Variants in RANBP2 observed in about 807,000 individuals in gnomAD.
RANBP2 encodes E3 SUMO-protein ligase RanBP2.
RANBP2 carries 57 observed loss-of-function variants against 303.6 expected under a neutral mutation model. That is an observed-to-expected ratio of 0.19 (90% CI 0.15 to 0.23). RANBP2 has a LOEUF of 0.23. RANBP2 is among the 10% of genes least tolerant of loss of function. The pLI is 1.00. For missense variants in RANBP2, 3,138 were observed against 3,780.8 expected (o/e 0.83, Z 4.46); for synonymous variants, 1,167 against 1,301.5 (o/e 0.90, Z 2.23).
the RANBP2 span, among the ~76,000 whole-genome samples, chr2:109,076,689 T>G: frequency 6.7e-6 from 1 of 149,366 alleles, no homozygotes; most frequent in African/African-American, 2.4e-5. Context: ...ACCAAGGAGG[T>G]GAAAAAGAAT....
the RANBP2 span, among the ~76,000 whole-genome samples, chr2:109,269,624 T>TA: frequency 1.3e-5 from 2 of 151,584 alleles, no homozygotes; most frequent in African/African-American, 2.4e-5. Flanking sequence ...CTACTAAAAA[T>TA]AAAAAAAATA....
the RANBP2 span, among the ~76,000 whole-genome samples, chr2:108,832,596 A>G: frequency 3.3e-5 from 5 of 152,016 alleles, no homozygotes; most frequent in East Asian, 1.9e-4. Flanking sequence ...TGTATTTCCA[A>G]CATGTTCCCA....
At chr2:109,106,450 G>A in the RANBP2 span, among the ~76,000 whole-genome samples, 1 of 152,092 alleles carries the variant, frequency 6.6e-6, no homozygotes, top group African/African-American at 2.4e-5. Context: ...GTCCTCCAAC[G>A]AGTGGCCCAC....
chr2:109,173,416 G>A, the RANBP2 span, among the ~76,000 whole-genome samples: 3 of 152,110 alleles, frequency 2.0e-5, no homozygotes, highest in African/African-American at 7.2e-5. Flanking sequence ...TCTTGGTTTG[G>A]AAGAATTCGG....
the RANBP2 span, among the ~76,000 whole-genome samples, chr2:109,105,249 G>A: frequency 6.6e-6 from 1 of 152,196 alleles, no homozygotes; most frequent in African/African-American, 2.4e-5. Context: ...GAATTTAACC[G>A]ATATATGACC....
chr2:109,482,716 TG>T, the RANBP2 span, among the ~76,000 whole-genome samples: 1 of 151,634 alleles, frequency 6.6e-6, no homozygotes, highest in Non-Finnish European at 1.5e-5. Flanking sequence ...TGTCCCTGCC[TG>T]CACCTCCGGC....
chr2:109,639,062 AT>A, the RANBP2 span, among the ~76,000 whole-genome samples: 1 of 152,220 alleles, frequency 6.6e-6, no homozygotes, highest in Non-Finnish European at 1.5e-5. Flanking sequence ...AATGCTTAGA[AT>A]GATTTTTGTC....
chr2:109,322,492 C>CCAA, the RANBP2 span, among the ~76,000 whole-genome samples: 2 of 152,176 alleles, frequency 1.3e-5, no homozygotes, highest in Admixed American at 6.5e-5. Flanking sequence ...CTTAAGGAAG[C>CCAA]TGAAATTTCT....
the RANBP2 span, chr2:108,791,764 C>G: frequency 6.3e-7 from 1 of 1,597,768 alleles, no homozygotes; most frequent in Non-Finnish European, 8.5e-7. Context: ...GTTAGTACCT[C>G]GAAAATAACC....
the RANBP2 span, chr2:109,574,919 G>A: frequency 2.2e-6 from 1 of 464,616 alleles, no homozygotes; most frequent in Non-Finnish European, 3.5e-6. Flanking sequence ...AAAAAAATGT[G>A]CAGAACATGC....
chr2:109,258,189 T>TA, the RANBP2 span, among the ~76,000 whole-genome samples: 1 of 152,182 alleles, frequency 6.6e-6, no homozygotes, highest in South Asian at 2.1e-4. Context: ...AGAGTAAACT[T>TA]ACCTTAATAA....
At chr2:109,026,204 T>A in the RANBP2 span, among the ~76,000 whole-genome samples, 3 of 151,808 alleles carry the variant, frequency 2.0e-5, no homozygotes, top group Middle Eastern at 3.2e-3. Context: ...TGCAGTGGCA[T>A]GATTGTAGGT....
the RANBP2 span, among the ~76,000 whole-genome samples, chr2:109,378,741 C>T: frequency 2.0e-5 from 3 of 152,196 alleles, no homozygotes; most frequent in Non-Finnish European, 2.9e-5. Context: ...ACCTTCTCTA[C>T]TCCATGCCCC....
the RANBP2 span, among the ~76,000 whole-genome samples, chr2:108,866,842 C>G: frequency 6.6e-6 from 1 of 151,326 alleles, no homozygotes; most frequent in African/African-American, 2.4e-5. Flanking sequence ...GAGATCACGC[C>G]ACGGCACTCC....
At chr2:109,587,787 C>T in the RANBP2 span, among the ~76,000 whole-genome samples, 7 of 152,164 alleles carry the variant, frequency 4.6e-5, no homozygotes, top group South Asian at 1.5e-3. Flanking sequence ...GTGGCACGCA[C>T]CTGTAGTCCC....
chr2:109,422,841 G>A, the RANBP2 span, among the ~76,000 whole-genome samples: 1 of 152,164 alleles, frequency 6.6e-6, no homozygotes, highest in Non-Finnish European at 1.5e-5. Context: ...AAGGACCGGA[G>A]GAGGCAGGGA....
At chr2:109,442,439 A>G in the RANBP2 span, among the ~76,000 whole-genome samples, 1 of 152,228 alleles carries the variant, frequency 6.6e-6, no homozygotes, top group Non-Finnish European at 1.5e-5. Context: ...TGGAAATGGT[A>G]ACTACATAGA....
the RANBP2 span, among the ~76,000 whole-genome samples, chr2:109,058,601 C>G: frequency 1.3e-5 from 2 of 152,214 alleles, no homozygotes; most frequent in African/African-American, 4.8e-5. Flanking sequence ...TTTTGTGATG[C>G]AATTCATTAA....
At chr2:108,746,281 C>G (rs1017384864) in intron 7 of RANBP2, among the ~76,000 whole-genome samples, 2 of 143,494 alleles carry the variant, frequency 1.4e-5, no homozygotes, top group African/African-American at 2.6e-5. Flanking sequence ...GGCGCAGTCT[C>G]AGCCCACTAC....
Sources: allele counts gnomAD v4.1 joint callset (sites outside exome capture counted in the v4.1 genomes callset), GRCh38; gene constraint gnomAD v4.1.1; transcripts MANE v1.5; gene names NCBI Gene and HGNC (gene_info 2026-07-23, HGNC 2026-07-21).